The following LIMA1 variants were observed in gnomAD, a reference collection of about 807,000 sequenced individuals.
LIMA1 encodes the protein LIM domain and actin binding 1.
LIMA1 carries 52 observed loss-of-function variants against 62.6 expected under a neutral mutation model. The ratio of observed to expected loss-of-function variants is 0.83; its 90% CI spans 0.67 to 1.05. The LOEUF is 1.05. Ranked by LOEUF, LIMA1 falls within the 50% of genes least tolerant of loss-of-function variation. The probability of loss-of-function intolerance (pLI) is 0.00; values close to 1 mark genes in which losing one functional copy is unlikely to be tolerated. For missense variants in LIMA1, 780 were observed against 902.2 expected, an observed-to-expected ratio of 0.86 and a Z score of 1.74; for synonymous variants, 302 against 317.8, an observed-to-expected ratio of 0.95 and a Z score of 0.53.
intron 1 of LIMA1, among the ~76,000 whole-genome samples, chr12:50,255,497 G>A (rs566217446): frequency 6.2e-5 from 9 of 144,586 alleles, no homozygotes; most frequent in African/African-American, 1.6e-4. Flanking sequence ...AGGTTGCAGT[G>A]AGCCGTGATC....
intron 2 of LIMA1, among the ~76,000 whole-genome samples, chr12:50,238,745 G>T (rs533246399): frequency 6.6e-6 from 1 of 151,830 alleles, no homozygotes; most frequent in South Asian, 2.1e-4. Context: ...AGCTATTGAG[G>T]AGGCTGAGGC....
rs193136737 is a variant in LIMA1 at position 50,218,087 on chromosome 12, A to T, written c.630+3934T>A. The T allele has an allele frequency of 4.0e-3, 611 of 152,526 alleles. 5 individuals are homozygous for T. Among genetic ancestry groups the T allele is most frequent in the African/African-American group, 0.014 (574 of 41,378 alleles). The allele number at this position is 152,526 out of a possible 1,614,324, so 9.4% of individuals were successfully genotyped here. A position where few individuals can be genotyped will look rare whatever the true frequency, so the allele number is the denominator to read the frequency against. The stretch of plus-strand genomic sequence containing the variant: ...GCCCAACTAATTTTTTTGTGTTTTT[A>T]GTAGAGACAGGGTTTCACCGTGTTA... On this transcript the variant is annotated intron_variant, in intron 4 of 10. Transcript: ENST00000341247.
chr12:50,180,815 GA>G (rs1206189110), intron 10 of LIMA1, among the ~76,000 whole-genome samples: 2 of 151,922 alleles, frequency 1.3e-5, no homozygotes, highest in Admixed American at 1.3e-4. Context: ...TTCCACAAAA[GA>G]AATAAGGTGC....
intron 8 of LIMA1, among the ~76,000 whole-genome samples, chr12:50,194,711 G>A (rs188982365): frequency 6.6e-6 from 1 of 152,150 alleles, no homozygotes; most frequent in African/African-American, 2.4e-5. Flanking sequence ...AGACCAACCT[G>A]GGCAACAAAG....
intron 4 of LIMA1, among the ~76,000 whole-genome samples, chr12:50,207,660 G>A (rs578058961): frequency 1.2e-4 from 18 of 151,846 alleles, no homozygotes; most frequent in African/African-American, 3.4e-4. Context: ...AGGCCAAGGC[G>A]GGCAGATTGC....
chr12:50,192,212 T>C (rs1035516030), intron 9 of LIMA1, among the ~76,000 whole-genome samples: 1 of 152,044 alleles, frequency 6.6e-6, no homozygotes, highest in Non-Finnish European at 1.5e-5. Flanking sequence ...AAAACTTTCA[T>C]GAGTTTTCCA....
intron 1 of LIMA1, among the ~76,000 whole-genome samples, chr12:50,256,859 G>A (rs1455501773): frequency 6.6e-6 from 1 of 152,182 alleles, no homozygotes; most frequent in Non-Finnish European, 1.5e-5. Flanking sequence ...ATTAGATTGA[G>A]ATTATAAATG....
chr12:50,193,293 C>T (rs951001674), intron 8 of LIMA1, among the ~76,000 whole-genome samples: 2 of 151,254 alleles, frequency 1.3e-5, no homozygotes, highest in African/African-American at 4.9e-5. Flanking sequence ...AAGAATGTTT[C>T]TGGATTCAAG....
intron 1 of LIMA1, among the ~76,000 whole-genome samples, chr12:50,255,472 T>C (rs1350833129): frequency 6.7e-6 from 1 of 149,720 alleles, no homozygotes; most frequent in South Asian, 2.1e-4. Flanking sequence ...GTGGGTCACT[T>C]GAGCCTAGAG....
chr12:50,253,738 G>T (rs1941958583), intron 1 of LIMA1, among the ~76,000 whole-genome samples: 1 of 152,116 alleles, frequency 6.6e-6, no homozygotes, highest in Admixed American at 6.6e-5. Flanking sequence ...TAAAGGTGTG[G>T]TATTGGGGCC....
At chr12:50,243,372 C>T (rs1019094857) in intron 2 of LIMA1, among the ~76,000 whole-genome samples, 1 of 152,144 alleles carries the variant, frequency 6.6e-6, no homozygotes, top group African/African-American at 2.4e-5. Context: ...TATTTGCAAA[C>T]CCCATAAATA....
At chr12:50,187,955 G>A (rs1048088183) in intron 9 of LIMA1, 15 of 152,206 alleles carry the variant, frequency 9.9e-5, no homozygotes, top group African/African-American at 3.6e-4. Flanking sequence ...TCTTGAAGTA[G>A]AAAGGCCTGA....
At position 50,206,021 on chromosome 12, in the gene LIMA1, T is replaced by G. The variant is rs758254520; in HGVS notation, c.678A>C (p.Glu226Asp). 5 of 1,612,846 alleles carry G rather than the reference T, an allele frequency of 3.1e-6. No individual in the cohort carries two copies. The highest frequency in any genetic ancestry group is 1.1e-5 in the South Asian group (1 of 90,950). ...SRSASGRKIS[E>D]NSYSLDDLEI... is the part of the protein sequence containing the mutation. ...CCAGGTCATCTAGAGAATAGCTGTT[T>G]TCAGAGATCTTCCTTCCACTTGCAC... Residue 226 changes from glutamate to aspartate, a missense_variant, in exon 5 of 11, where the codon GAA becomes GAC. By Grantham distance (45) the Glu-to-Asp change is conservative. Transcript: ENST00000341247.
chr12:50,187,348 C>G (rs1695917145), intron 9 of LIMA1: 1 of 152,166 alleles, frequency 6.6e-6, no homozygotes, highest in South Asian at 2.1e-4. Flanking sequence ...CGTCAAGCCT[C>G]TATTCCTCAG....
intron 8 of LIMA1, among the ~76,000 whole-genome samples, chr12:50,193,480 T>G (rs138631545): frequency 7.2e-6 from 1 of 139,638 alleles, no homozygotes; most frequent in Non-Finnish European, 1.5e-5. Flanking sequence ...AATTTATATA[T>G]ATATAGTATA....
chr12:50,178,971 T>A (rs923272489), intron 10 of LIMA1, among the ~76,000 whole-genome samples: 5 of 150,458 alleles, frequency 3.3e-5, no homozygotes, highest in African/African-American at 1.2e-4. Context: ...TATATATTTT[T>A]TTTTTCTTTT....
rs192982570 is a variant in LIMA1 at position 50,233,460 on chromosome 12, T to G, written c.120-1750A>C. The stretch of plus-strand genomic sequence containing the variant: ...GAGATAGTCACATTGCCTGTACATG[T>G]TGAATTTAGTGTAAGTTATTGATAT... On this transcript the variant is annotated intron_variant, in intron 2 of 10. Transcript: ENST00000341247. Among the ~76,000 whole-genome samples the G allele has an allele frequency of 6.2e-4, 95 of 152,326 alleles. 2 individuals are homozygous for G. The highest frequency in any genetic ancestry group is 2.2e-3 in the African/African-American group (93 of 41,584).
chr12:50,265,317 T>G (rs996323889), intron 1 of LIMA1, among the ~76,000 whole-genome samples: 4 of 152,040 alleles, frequency 2.6e-5, no homozygotes, highest in Non-Finnish European at 5.9e-5. Flanking sequence ...GGTCAGGAGT[T>G]CGAGACCAGT....
At chr12:50,193,515 GAT>G (rs1175539044) in intron 8 of LIMA1, among the ~76,000 whole-genome samples, 5 of 110,624 alleles carry the variant, frequency 4.5e-5, no homozygotes, top group East Asian at 2.5e-4. Context: ...GTGTATATAT[GAT>G]ATATATACAC....
Sources: allele counts gnomAD v4.1 joint callset (sites outside exome capture counted in the v4.1 genomes callset), GRCh38; gene constraint gnomAD v4.1.1; transcripts MANE v1.5; gene names NCBI Gene and HGNC (gene_info 2026-07-23, HGNC 2026-07-21).